The following SMARCA5 variants were observed in gnomAD, a reference collection of about 807,000 sequenced individuals.
The protein encoded by SMARCA5 is SNF2 related chromatin remodeling ATPase 5, also known as SWI/SNF-related matrix-associated actin-dependent regulator of chromatin subfamily A member 5.
Under a neutral mutation model 140.4 loss-of-function variants are expected in SMARCA5, and 18 were observed. That is an observed-to-expected ratio of 0.13 (90% confidence interval 0.09 to 0.19). SMARCA5 has a LOEUF of 0.19. SMARCA5 is among the 10% of genes least tolerant of loss of function. SMARCA5 has a pLI of 1.00. For missense variants in SMARCA5, 606 were observed against 1,276.8 expected (o/e 0.47, Z 8.01); for synonymous variants, 449 against 419.6 (o/e 1.07, Z -0.86).
intron 4 of SMARCA5, 30 bp downstream of exon 4, chr4:143,524,497 A>C: frequency 6.7e-7 from 1 of 1,481,520 alleles, no homozygotes; most frequent in Non-Finnish European, 9.4e-7. Flanking sequence ...TTTTTTTAAA[A>C]AATTGCCCTT....
At chr4:143,545,643 C>T (rs1737510205) in intron 18 of SMARCA5, 60 bp downstream of exon 18, 1 of 1,019,328 alleles carries the variant, frequency 9.8e-7, no homozygotes, top group Admixed American at 2.1e-5. Flanking sequence ...AAGGTATAAA[C>T]ATTAGTTATA....
intron 21 of SMARCA5, 37 bp downstream of exon 21, chr4:143,547,540 A>ACC: frequency 9.6e-7 from 1 of 1,044,250 alleles, no homozygotes; most frequent in Non-Finnish European, 1.5e-6. Context: ...AGTTAATAAA[A>ACC]TAACTCCTAG....
At position 143,514,062 on chromosome 4, in the gene SMARCA5, G is replaced by T. The variant is rs781637816; in HGVS notation, c.138G>T (p.Ala46=). The part of the protein sequence containing the change: ...GPEGVAAQAV[A]SAASAGPADA... Reference sequence around the variant, plus strand: ...AAGGCGTCGCGGCGCAGGCGGTTGCGTCTGCGGCCAGCGCTGGTCCCGCAG... The same window carrying T: ...AAGGCGTCGCGGCGCAGGCGGTTGCTTCTGCGGCCAGCGCTGGTCCCGCAG... Residue 46 remains alanine (A), a synonymous_variant, in exon 1 of 24, where the codon GCG becomes GCT. Coordinates refer to ENST00000283131, the MANE Select transcript of SMARCA5 (RefSeq NM_003601.4). 1.3e-6 allele frequency: 2 copies of T among 1,563,108 alleles called. No individual in the cohort carries two copies. Among genetic ancestry groups the T allele is most frequent in the Non-Finnish European group, 1.7e-6 (2 of 1,162,954 alleles).
intron 11 of SMARCA5, among the ~76,000 whole-genome samples, chr4:143,537,883 A>G (rs1255539894): frequency 6.9e-6 from 1 of 144,018 alleles, no homozygotes; most frequent in East Asian, 2.0e-4. Flanking sequence ...GCGCCGCTGC[A>G]CTCCAGCCTG....
chr4:143,528,824 T>G, intron 8 of SMARCA5, 110 bp downstream of exon 8: 1 of 880,556 alleles, frequency 1.1e-6, no homozygotes, highest in Admixed American at 3.3e-5. Context: ...TATTATTAAT[T>G]TTTTATGCTT....
intron 8 of SMARCA5, 138 bp downstream of exon 8, chr4:143,528,852 C>T (rs1350154776): frequency 6.3e-6 from 4 of 635,566 alleles, no homozygotes; most frequent in Non-Finnish European, 1.0e-5. Flanking sequence ...CATAGTTAGC[C>T]TGGTGTTATC....
chr4:143,517,122 T>C (rs1024002672), intron 1 of SMARCA5, among the ~76,000 whole-genome samples: 1 of 152,236 alleles, frequency 6.6e-6, no homozygotes, highest in African/African-American at 2.4e-5. Flanking sequence ...TGTGTTCTAA[T>C]CTTGGCAACA....
chr4:143,539,090 C>A, intron 13 of SMARCA5, 152 bp downstream of exon 13: 1 of 716,622 alleles, frequency 1.4e-6, no homozygotes, highest in South Asian at 1.9e-5. Flanking sequence ...GATCTTCCAT[C>A]TAAATAAGGG....
At chr4:143,530,205 C>T (rs549205654) in intron 8 of SMARCA5, among the ~76,000 whole-genome samples, 17 of 152,274 alleles carry the variant, frequency 1.1e-4, no homozygotes, top group African/African-American at 3.8e-4. Flanking sequence ...AGAACTTGCT[C>T]TCCAACTTTT....
Position 143,555,135 on chromosome 4 carries a change from C to T in SMARCA5, c.*1951C>T. On this transcript the variant is annotated 3_prime_UTR_variant, in exon 24 of 24. Coordinates refer to ENST00000283131, the MANE Select transcript of SMARCA5 (RefSeq NM_003601.4). ...CTACTGCTACTGGAACTGCCTTAAC[C>T]ACTACTGCTACTGGAACTGCCTTAG... 1.4e-6 allele frequency: 1 copy of T among 697,688 alleles called. No individual in the cohort carries two copies. The highest frequency in any genetic ancestry group is 2.7e-6 in the Non-Finnish European group (1 of 376,176). 43.2% of individuals were successfully genotyped at this position (697,688 alleles called of 1,614,324 possible). A position where few individuals can be genotyped will look rare whatever the true frequency, so the allele number is the denominator to read the frequency against.
At chr4:143,529,362 T>C (rs560971204) in intron 8 of SMARCA5, among the ~76,000 whole-genome samples, 1 of 152,378 alleles carries the variant, frequency 6.6e-6, no homozygotes, top group African/African-American at 2.4e-5. Flanking sequence ...TTTAAGGTGC[T>C]GCTCAAGGTA....
rs1396197535 is a variant in SMARCA5, at chr4:143,554,501, A to C, written c.*1317A>C. 1 of 151,804 alleles carries C rather than the reference A, an allele frequency of 6.6e-6. No homozygotes were observed. Among genetic ancestry groups the C allele is most frequent in the Non-Finnish European group, 1.5e-5 (1 of 68,000 alleles). The allele number at this position is 151,804 out of a possible 1,614,324, so 9.4% of individuals were successfully genotyped here. ...TTAGTAGTTGTTTTCATCTGCCCAC[A>C]TGTAATTGAAGATTTAAAAAAAAAA... On this transcript the variant is annotated 3_prime_UTR_variant, in exon 24 of 24. Coordinates refer to ENST00000283131, the MANE Select transcript of SMARCA5 (RefSeq NM_003601.4).
At chr4:143,520,714 CTAT>C (rs1458685460) in intron 2 of SMARCA5, among the ~76,000 whole-genome samples, 2 of 152,208 alleles carry the variant, frequency 1.3e-5, no homozygotes, top group East Asian at 1.9e-4. Flanking sequence ...TTTCATCAAA[CTAT>C]TATTGTTTTT....
In SMARCA5 at chr4:143,538,788, C is replaced by T. The variant is rs1737367973; in HGVS notation, c.1620C>T (p.Asp540=). ...CAACCATTTTGTTTTATCCATAGGACTCCATCAATGCATACAATGAACCAA... is the reference window on the plus strand; with the variant it reads ...CAACCATTTTGTTTTATCCATAGGATTCCATCAATGCATACAATGAACCAA... ...DGQTPHDERQ[D]SINAYNEPNS... Residue 540 remains aspartate, a splice_region_variant and synonymous_variant, in exon 13 of 24, where the codon GAC becomes GAT. Transcript: ENST00000283131. The T allele has an allele frequency of 6.2e-7, 1 of 1,613,734 alleles. No individual in the cohort carries two copies. The highest frequency in any genetic ancestry group is 8.5e-7 in the Non-Finnish European group (1 of 1,179,826).
chr4:143,542,006 C>T (rs1024129930), intron 14 of SMARCA5, among the ~76,000 whole-genome samples: 2 of 151,868 alleles, frequency 1.3e-5, no homozygotes, highest in Non-Finnish European at 2.9e-5. Flanking sequence ...TACAGATGCC[C>T]GCCACCACAC....
chr4:143,537,121 C>CT (rs35472711), intron 11 of SMARCA5, among the ~76,000 whole-genome samples: 1 of 152,028 alleles, frequency 6.6e-6, no homozygotes, highest in Admixed American at 6.6e-5. Flanking sequence ...AGTATGCTGA[C>CT]TTTTTTTATG....
At chr4:143,520,822 C>T (rs1489100369) in intron 2 of SMARCA5, among the ~76,000 whole-genome samples, 5 of 151,748 alleles carry the variant, frequency 3.3e-5, no homozygotes, top group African/African-American at 1.2e-4. Context: ...TAAATTTTTT[C>T]CATTCTCTCG....
At chr4:143,545,642 ACAT>A in intron 18 of SMARCA5, 59 bp downstream of exon 18, 1 of 1,031,016 alleles carries the variant, frequency 9.7e-7, no homozygotes, top group Non-Finnish European at 1.5e-6. Flanking sequence ...GAAGGTATAA[ACAT>A]TAGTTATAAA....
At chr4:143,548,197 T>G in intron 22 of SMARCA5, 57 bp downstream of exon 22, 1 of 1,017,890 alleles carries the variant, frequency 9.8e-7, no homozygotes, top group Non-Finnish European at 1.5e-6. Context: ...AGTGTCATCT[T>G]TGGTATTCTT....
Sources: allele counts gnomAD v4.1 joint callset (sites outside exome capture counted in the v4.1 genomes callset), GRCh38; gene constraint gnomAD v4.1.1; transcripts MANE v1.5; gene names NCBI Gene and HGNC (gene_info 2026-07-23, HGNC 2026-07-21).